ZBTB7B: variants seen among roughly 807,000 people sequenced by gnomAD.
ZBTB7B encodes the protein zinc finger and BTB domain-containing protein 7B.
A neutral mutation model predicts 31.0 loss-of-function variants in ZBTB7B; 8 were observed. The observed-to-expected ratio is 0.26, with a 90% CI of 0.15 to 0.47. The LOEUF (loss-of-function observed/expected upper bound fraction) is 0.47. ZBTB7B is among the 20% of genes least tolerant of loss of function. The pLI is 0.99. For synonymous variants in ZBTB7B, 261 were observed against 307.3 expected (o/e 0.85, Z 1.58); for missense variants, 494 against 742.4 (o/e 0.67, Z 3.89).
chr1:155,015,558 C>T lies in ZBTB7B; in HGVS notation c.898C>T (p.Pro300Ser). The T allele has an allele frequency of 1.9e-6, 3 of 1,613,882 alleles. 1 individual carries two copies. In the South Asian group the frequency reaches 3.3e-5, roughly 18 times the overall value. ...GCAGGGTGGCGGGCCCCCGCTGTCC[C>T]CAGAGGAGCTGGGCTCAGATGAGGA... Reference protein sequence around the residue: ...LAQGGGPPLSPEELGSDEDAI... With the variant: ...LAQGGGPPLSSEELGSDEDAI... The change falls in exon 2 of 3, where the codon CCA (proline) becomes TCA (serine). Residue 300 changes from proline to serine, a missense_variant. Pro to Ser is a moderately conservative substitution (Grantham distance 74, BLOSUM62 -1). Around this residue, in one of 5 missense-constraint regions of ZBTB7B, gnomAD observed 216 missense variants for 229.3 expected, o/e 0.94. Transcript: ENST00000535420.
In ZBTB7B at chr1:155,015,030, G is replaced by T. The variant is rs754005177; in HGVS notation, c.370G>T (p.Ala124Ser). Residue 124 changes from alanine to serine, a missense_variant, in exon 2 of 3, where the codon GCT becomes TCT. Coordinates refer to ENST00000535420, the MANE Select transcript of ZBTB7B (RefSeq NM_001256455.2). ...SSANMPAVLQ[A>S]ARLLEIPCVI... is the part of the protein sequence containing the mutation. ...CGCCAACATGCCAGCTGTGCTCCAGGCTGCCCGCCTGCTGGAGATCCCGTG... is the reference window on the plus strand; with the variant it reads ...CGCCAACATGCCAGCTGTGCTCCAGTCTGCCCGCCTGCTGGAGATCCCGTG... 6.2e-7 allele frequency: 1 copy of T among 1,613,908 alleles called. No individual in the cohort carries two copies. Among genetic ancestry groups the T allele is most frequent in the South Asian group, 1.1e-5 (1 of 91,086 alleles).
At position 155,016,807 on chromosome 1, in the gene ZBTB7B, G is replaced by A; in HGVS notation, c.*122G>A. On this transcript the variant is annotated 3_prime_UTR_variant, in exon 3 of 3. Transcript: ENST00000535420. This position sits in a 1 kb window ranked among gnomAD's most constrained non-coding sequence, Gnocchi z 4.3. ...CGGAGCCTTGCTGGCATCAGCATCA[G>A]CCCTTCCTCCCAGAGCCCTCATTCC... 3.2e-6 allele frequency: 2 copies of A among 633,862 alleles called. No individual in the cohort carries two copies. Among genetic ancestry groups the A allele is most frequent in the Non-Finnish European group, 5.5e-6 (2 of 364,202 alleles). 39.3% of individuals were successfully genotyped at this position (633,862 alleles called of 1,614,324 possible). A position where few individuals can be genotyped will look rare whatever the true frequency, so the allele number is the denominator to read the frequency against.
intron 1 of ZBTB7B, chr1:155,010,181 G>C (rs1179401804): frequency 1.3e-5 from 2 of 152,596 alleles, no homozygotes; most frequent in Non-Finnish European, 2.9e-5. Flanking sequence ...CCCTTGATGG[G>C]GACTAAGGGG....
At chr1:155,010,996 C>A in intron 1 of ZBTB7B, 1 of 1,535,498 alleles carries the variant, frequency 6.5e-7, no homozygotes, top group Non-Finnish European at 8.7e-7. Context: ...CCCTCTCAGG[C>A]TCCCTGGCAG....
intron 1 of ZBTB7B, among the ~76,000 whole-genome samples, chr1:155,007,454 G>C (rs986270313): frequency 6.6e-6 from 1 of 152,224 alleles, no homozygotes; most frequent in East Asian, 1.9e-4. Flanking sequence ...TGGGCAGGGG[G>C]AATGCCGGGA....
chr1:155,013,943 C>T lies in ZBTB7B; in HGVS notation c.-6-712C>T, dbSNP rs1228492838. On this transcript the variant is annotated intron_variant, in intron 1 of 2. Transcript: ENST00000535420. ...GAAGGGGAGATGAACTTTTGGTAGC[C>T]AGGGGAGGGGCAAGAGGAGGAAGAG... The T allele has an allele frequency of 1.4e-5, 11 of 796,274 alleles. No individual in the cohort carries two copies. In the Admixed American group the frequency reaches 6.2e-4, roughly 45 times the overall value. The allele number at this position is 796,274 out of a possible 1,614,324, so 49.3% of individuals were successfully genotyped here.
chr1:155,006,239 G>C (rs1408024291), intron 1 of ZBTB7B, among the ~76,000 whole-genome samples: 1 of 152,150 alleles, frequency 6.6e-6, no homozygotes, highest in Non-Finnish European at 1.5e-5. Context: ...TCTTCATCCT[G>C]TCCCATAGTT....
rs1307577050 is a variant in ZBTB7B at position 155,003,542 on chromosome 1, G to C, written c.-7+599G>C. On this transcript the variant is annotated intron_variant, in intron 1 of 2. Coordinates refer to ENST00000535420, the MANE Select transcript of ZBTB7B (RefSeq NM_001256455.2). The surrounding 1 kb of genome is among the most constrained non-coding windows in gnomAD (Gnocchi z 5.8). ...GGGGCTCAGCAACAACCTCTGAACCGACATAGAACGACCGCTCTCTTCCCT... is the reference window on the plus strand; with the variant it reads ...GGGGCTCAGCAACAACCTCTGAACCCACATAGAACGACCGCTCTCTTCCCT... 1.3e-5 allele frequency among the ~76,000 whole-genome samples: 2 copies of C among 152,140 alleles called. No homozygotes were observed. Among genetic ancestry groups the C allele is most frequent in the Non-Finnish European group, 2.9e-5 (2 of 68,018 alleles).
At position 155,018,452 on chromosome 1, in the gene ZBTB7B, C is replaced by T. The variant is rs1420225560; in HGVS notation, c.*1767C>T. On this transcript the variant is annotated 3_prime_UTR_variant, in exon 3 of 3. Transcript: ENST00000535420. ...GGAGAGGCACTCCCCCCCTCCTATT[C>T]CCTTCCCCCCACCCCAACTCCCCCA... is the stretch of plus-strand genomic sequence containing the variant. 3.2e-6 allele frequency: 4 copies of T among 1,263,006 alleles called. No homozygotes were observed. Among genetic ancestry groups the T allele is most frequent in the Non-Finnish European group, 3.3e-6 (3 of 913,466 alleles). The allele number at this position is 1,263,006 out of a possible 1,614,324, so 78.2% of individuals were successfully genotyped here. A position where few individuals can be genotyped will look rare whatever the true frequency, so the allele number is the denominator to read the frequency against.
In ZBTB7B at chr1:155,011,371, C is replaced by T. The variant is rs547863834; in HGVS notation, c.-6-3284C>T. Among the ~76,000 whole-genome samples the T allele has an allele frequency of 1.9e-3, 284 of 152,354 alleles. 1 individual carries two copies. The highest frequency in any genetic ancestry group is 3.4e-3 in the Non-Finnish European group (234 of 68,030). ...TTTCTTGGTGCTGGACATACCCTGC[C>T]AGGTGCCCTTGAGCACTGAAGGGTA... On this transcript the variant is annotated intron_variant, in intron 1 of 2. Transcript: ENST00000535420.
intron 1 of ZBTB7B, among the ~76,000 whole-genome samples, chr1:155,006,478 C>G (rs1379746306): frequency 6.6e-6 from 1 of 152,138 alleles, no homozygotes; most frequent in Non-Finnish European, 1.5e-5. Context: ...TCCCAGTCAG[C>G]AAATACCTGT....
intron 1 of ZBTB7B, chr1:155,010,821 A>G (rs1020842625): frequency 2.0e-6 from 2 of 989,002 alleles, no homozygotes; most frequent in East Asian, 2.7e-5. Flanking sequence ...GGGGGGGTGG[A>G]GGGAGAAAGG....
In ZBTB7B at chr1:155,007,187, A is replaced by G. The variant is rs557663981; in HGVS notation, c.-7+4244A>G. ...TGCTGTGTACCTATGATTGACATCC[A>G]TCTCCCTTGCTGAGACATGCTACCT... is the stretch of plus-strand genomic sequence containing the variant. On this transcript the variant is annotated intron_variant, in intron 1 of 2. Coordinates refer to ENST00000535420, the MANE Select transcript of ZBTB7B (RefSeq NM_001256455.2). Among the ~76,000 whole-genome samples, 13 of 152,276 alleles carry G rather than the reference A, an allele frequency of 8.5e-5. No individual in the cohort carries two copies. In the South Asian group the frequency reaches 2.7e-3, roughly 32 times the overall value.
chr1:155,009,849 G>T (rs189786972), intron 1 of ZBTB7B, among the ~76,000 whole-genome samples: 149 of 152,226 alleles, frequency 9.8e-4, no homozygotes, highest in African/African-American at 3.4e-3. Context: ...GGCCAATGGA[G>T]AAAGTGGAGA....
Position 155,015,492 on chromosome 1 carries a change from G to T in ZBTB7B, c.832G>T (p.Glu278Ter). ...CTACGAACCCTATGAGGGTGAGGAA[G>T]AAGAAGAGGAGCTGGTATATCCCCC... ...QSYEPYEGEE[E>*]EEELVYPPAY... is the part of the protein sequence containing the mutation. Residue 278 changes from glutamate (E) to a stop codon, truncating the protein, a stop_gained, in exon 2 of 3, where the codon GAA becomes TAA. Coordinates refer to ENST00000535420, the MANE Select transcript of ZBTB7B (RefSeq NM_001256455.2). LOFTEE classifies it high-confidence loss of function. 6.2e-7 allele frequency: 1 copy of T among 1,613,282 alleles called. No individual in the cohort carries two copies. The highest frequency in any genetic ancestry group is 8.5e-7 in the Non-Finnish European group (1 of 1,179,552).
intron 1 of ZBTB7B, among the ~76,000 whole-genome samples, chr1:155,011,658 C>A (rs1019043094): frequency 1.3e-5 from 2 of 152,238 alleles, no homozygotes; most frequent in Non-Finnish European, 2.9e-5. Context: ...CACAGCTGCA[C>A]CCCCAACCAC....
At position 155,003,918 on chromosome 1, in the gene ZBTB7B, G is replaced by A. The variant is rs1043290927; in HGVS notation, c.-7+975G>A. Among the ~76,000 whole-genome samples, 3 of 152,114 alleles carry A rather than the reference G, an allele frequency of 2.0e-5. No individual in the cohort carries two copies. Among genetic ancestry groups the A allele is most frequent in the Non-Finnish European group, 4.4e-5 (3 of 68,010 alleles). On this transcript the variant is annotated intron_variant, in intron 1 of 2. Transcript: ENST00000535420. This position sits in a 1 kb window ranked among gnomAD's most constrained non-coding sequence, Gnocchi z 5.8. ...GGGGCGGGAGTGGGGGGGCGGCGTGGGCAGCGGGTTGTGCCCGGACACGTG... is the reference window on the plus strand; with the variant it reads ...GGGGCGGGAGTGGGGGGGCGGCGTGAGCAGCGGGTTGTGCCCGGACACGTG...
intron 1 of ZBTB7B, among the ~76,000 whole-genome samples, chr1:155,009,886 A>G (rs1658832157): frequency 6.6e-6 from 1 of 151,988 alleles, no homozygotes; most frequent in South Asian, 2.1e-4. Context: ...AACCAAGGGG[A>G]AGAGAAAGGA....
chr1:155,016,504 C>A lies in ZBTB7B; in HGVS notation c.1439C>A (p.Ser480Tyr). 1 of 1,613,994 alleles carries A rather than the reference C, an allele frequency of 6.2e-7. No individual in the cohort carries two copies. The highest frequency in any genetic ancestry group is 1.1e-5 in the South Asian group (1 of 91,068). ...CCACCACCCTCTACCGCTGCTGCATCCCCCGCTGGCCTCGACCTCTCCAAT... is the reference window on the plus strand; with the variant it reads ...CCACCACCCTCTACCGCTGCTGCATACCCCGCTGGCCTCGACCTCTCCAAT... ...HYPPPSTAAA[S>Y]PAGLDLSNGH... Residue 480 changes from serine to tyrosine, a missense_variant, in exon 3 of 3, where the codon TCC (serine) becomes TAC (tyrosine). By Grantham distance (144) the Ser-to-Tyr change is moderately radical. Transcript: ENST00000535420. This position sits in a 1 kb window ranked among gnomAD's most constrained non-coding sequence, Gnocchi z 4.3.
Sources: allele counts gnomAD v4.1 joint callset (sites outside exome capture counted in the v4.1 genomes callset), GRCh38; gene constraint gnomAD v4.1.1; regional missense constraint gnomAD v4.1.1; non-coding constraint Gnocchi (gnomAD v3.1); transcripts MANE v1.5; gene names NCBI Gene and HGNC (gene_info 2026-07-23, HGNC 2026-07-21).